BMPER: variants seen among roughly 807,000 people sequenced by gnomAD.
BMPER encodes the protein BMP-binding endothelial regulator protein.
In BMPER, 45 loss-of-function variants were observed where a neutral mutation model predicts 87.3. That is an observed-to-expected ratio of 0.52 (90% CI 0.41 to 0.66). BMPER has a LOEUF of 0.66. BMPER is among the 30% of genes least tolerant of loss of function. The probability of loss-of-function intolerance (pLI) is 0.00; values close to 1 mark genes in which losing one functional copy is unlikely to be tolerated. For synonymous variants in BMPER, 326 were observed against 316.2 expected, an observed-to-expected ratio of 1.03 and a Z score of -0.33; for missense variants, 784 against 867.5, an observed-to-expected ratio of 0.90 and a Z score of 1.21.
chr7:33,950,931 C>T (rs141219614), intron 3 of BMPER, among the ~76,000 whole-genome samples: 199 of 152,254 alleles, frequency 1.3e-3, no homozygotes, highest in African/African-American at 4.5e-3. Flanking sequence ...AGCTAGCAAA[C>T]GCTTGCTTGC....
chr7:34,091,912 T>C (rs1441398207), intron 13 of BMPER, among the ~76,000 whole-genome samples: 1 of 152,234 alleles, frequency 6.6e-6, no homozygotes, highest in Non-Finnish European at 1.5e-5. Context: ...TATGTTGCAC[T>C]GCTTCTTATT....
intron 6 of BMPER, among the ~76,000 whole-genome samples, chr7:33,998,247 T>C (rs1554303361): frequency 6.6e-6 from 1 of 152,258 alleles, no homozygotes; most frequent in Non-Finnish European, 1.5e-5. Context: ...AATTCCATTC[T>C]ATTACCCAAG....
intron 7 of BMPER, among the ~76,000 whole-genome samples, chr7:34,047,815 C>CTTCCTTCCTTCCTTCCTTCCTTCCTTCCT (rs370198631): frequency 1.4e-5 from 2 of 146,442 alleles, no homozygotes; most frequent in African/African-American, 2.5e-5. Context: ...TCCTTTCTTC[C>CTTCCTTCCTTCCTTCCTTCCTTCCTTCCT]TCACTTTCCT....
At chr7:34,097,738 G>T (rs1398336949) in intron 13 of BMPER, among the ~76,000 whole-genome samples, 2 of 152,128 alleles carry the variant, frequency 1.3e-5, no homozygotes, top group Non-Finnish European at 2.9e-5. Flanking sequence ...TCATGTGGGT[G>T]CCCAGATTCC....
At chr7:33,998,037 A>G (rs1333957340) in intron 6 of BMPER, among the ~76,000 whole-genome samples, 1 of 152,188 alleles carries the variant, frequency 6.6e-6, no homozygotes, top group African/African-American at 2.4e-5. Flanking sequence ...GGTAGAATAC[A>G]AGCTCCATTA....
chr7:33,917,694 A>G (rs1326295950), intron 2 of BMPER, among the ~76,000 whole-genome samples: 1 of 152,208 alleles, frequency 6.6e-6, no homozygotes, highest in East Asian at 1.9e-4. Flanking sequence ...GAAGATAATG[A>G]TCATTGCATT....
At chr7:34,098,208 C>A (rs2127981768) in intron 13 of BMPER, among the ~76,000 whole-genome samples, 1 of 152,106 alleles carries the variant, frequency 6.6e-6, no homozygotes, top group South Asian at 2.1e-4. Flanking sequence ...ATCCAGGACC[C>A]AGTAAGGGAG....
intron 3 of BMPER, among the ~76,000 whole-genome samples, chr7:33,964,546 C>G (rs1429241125): frequency 1.3e-5 from 2 of 152,190 alleles, no homozygotes; most frequent in Admixed American, 6.5e-5. Context: ...TTCCCACTGA[C>G]AGTTATTTGA....
At position 33,952,163 on chromosome 7, in the gene BMPER, A is replaced by G. The variant is rs77911781; in HGVS notation, c.320-14316A>G. 6.4e-4 allele frequency among the ~76,000 whole-genome samples: 97 copies of G among 152,308 alleles called. 1 individual carries two copies. The South Asian group carries it at 0.012, about 20-fold the overall frequency. ...GGACTTCGGATTTCCAAGGTACCAT[A>G]ATTTTGATGTGATTATCTGCTTTCT... On this transcript the variant is annotated intron_variant, in intron 3 of 14. Coordinates refer to ENST00000649409, the MANE Select transcript of BMPER (RefSeq NM_001365308.1).
At chr7:34,107,524 T>C (rs1168751750) in intron 13 of BMPER, among the ~76,000 whole-genome samples, 1 of 152,110 alleles carries the variant, frequency 6.6e-6, no homozygotes, top group African/African-American at 2.4e-5. Flanking sequence ...GCTAAGCGAG[T>C]CATTTGGAGC....
At chr7:34,033,504 C>G (rs1478492577) in intron 6 of BMPER, among the ~76,000 whole-genome samples, 3 of 152,262 alleles carry the variant, frequency 2.0e-5, no homozygotes, top group East Asian at 1.9e-4. Flanking sequence ...AAGTGTTCAG[C>G]CTTCAGTATG....
intron 6 of BMPER, among the ~76,000 whole-genome samples, chr7:34,033,254 C>T (rs1178342412): frequency 1.3e-5 from 2 of 152,126 alleles, no homozygotes; most frequent in African/African-American, 2.4e-5. Flanking sequence ...ACTGAAAGGA[C>T]AATATCTATA....
chr7:33,971,933 C>T (rs932635224), intron 5 of BMPER, among the ~76,000 whole-genome samples: 1 of 152,156 alleles, frequency 6.6e-6, no homozygotes, highest in Admixed American at 6.5e-5. Context: ...GATGGAGTCT[C>T]ACTCTGTCGC....
intron 6 of BMPER, among the ~76,000 whole-genome samples, chr7:34,008,683 T>G (rs942084449): frequency 6.6e-6 from 1 of 151,978 alleles, no homozygotes; most frequent in Non-Finnish European, 1.5e-5. Context: ...TGACATTCAA[T>G]GTTACTGGTG....
intron 6 of BMPER, among the ~76,000 whole-genome samples, chr7:33,997,053 C>T (rs1786434756): frequency 6.6e-6 from 1 of 152,226 alleles, no homozygotes; most frequent in African/African-American, 2.4e-5. Flanking sequence ...ACAGGACCCT[C>T]CCTCCTCCCT....
intron 3 of BMPER, among the ~76,000 whole-genome samples, chr7:33,945,236 TG>T (rs1015055106): frequency 8.4e-5 from 12 of 142,480 alleles, no homozygotes; most frequent in Non-Finnish European, 1.7e-4. Flanking sequence ...CCACCGCGCC[TG>T]GACTTCTTTT....
intron 3 of BMPER, among the ~76,000 whole-genome samples, chr7:33,947,854 A>G (rs114143799): frequency 1.1e-3 from 164 of 152,224 alleles, no homozygotes; most frequent in African/African-American, 3.6e-3. Flanking sequence ...GAAGATGATC[A>G]TGGCTTTCAG....
At chr7:34,006,082 T>C (rs2127938148) in intron 6 of BMPER, among the ~76,000 whole-genome samples, 1 of 152,184 alleles carries the variant, frequency 6.6e-6, no homozygotes, top group South Asian at 2.1e-4. Flanking sequence ...GATATTATAA[T>C]ATGTATTACT....
intron 9 of BMPER, among the ~76,000 whole-genome samples, chr7:34,055,991 G>A (rs961027050): frequency 1.3e-5 from 2 of 152,158 alleles, no homozygotes; most frequent in East Asian, 1.9e-4. Flanking sequence ...ACTCTCTACC[G>A]AAGCTGTCAC....
Sources: gnomAD v4.1 joint callset for allele counts (sites outside exome capture counted in the v4.1 genomes callset) on GRCh38, gnomAD v4.1.1 for gene constraint, MANE v1.5 for transcripts, NCBI Gene and HGNC (gene_info 2026-07-23, HGNC 2026-07-21) for gene names.